The following NEGR1 variants were observed in gnomAD, a reference collection of about 807,000 sequenced individuals.
NEGR1 encodes the protein neuronal growth regulator 1, also known as IgLON family member 4.
Under a neutral mutation model 40.9 loss-of-function variants are expected in NEGR1, and 10 were observed. The ratio of observed to expected loss-of-function variants is 0.24; its 90% confidence interval spans 0.15 to 0.42. NEGR1 has a LOEUF of 0.42. Among genes scored for constraint, NEGR1 ranks in the 10% least tolerant of loss-of-function variants. The pLI is 1.00. For synonymous variants in NEGR1, 185 were observed against 166.8 expected (o/e 1.11, Z -0.84); for missense variants, 352 against 438.9 (o/e 0.80, Z 1.77).
intron 1 of NEGR1, among the ~76,000 whole-genome samples, chr1:72,017,085 C>A (rs1646717574): frequency 6.6e-6 from 1 of 150,846 alleles, no homozygotes; most frequent in African/African-American, 2.4e-5. Flanking sequence ...CATACATATA[C>A]AAATAATATA....
At chr1:71,848,315 G>A (rs914501913) in intron 2 of NEGR1, among the ~76,000 whole-genome samples, 1 of 152,218 alleles carries the variant, frequency 6.6e-6, no homozygotes, top group Non-Finnish European at 1.5e-5. Context: ...GATATTAAAT[G>A]TAGATGAAAC....
intron 2 of NEGR1, among the ~76,000 whole-genome samples, chr1:71,927,818 T>TAAAAAAAAAAAAAAAAA (rs35429988): frequency 1.8e-4 from 4 of 22,448 alleles, no homozygotes; most frequent in East Asian, 2.0e-3. Flanking sequence ...ACCCAATCTC[T>TAAAAAAAAAAAAAAAAA]AAAAAAAAAA....
At chr1:71,667,740 A>G (rs1652290304) in intron 4 of NEGR1, among the ~76,000 whole-genome samples, 1 of 152,146 alleles carries the variant, frequency 6.6e-6, no homozygotes, top group African/African-American at 2.4e-5. Flanking sequence ...ACAATCTCCA[A>G]AGCTTGACTA....
chr1:71,881,332 T>C (rs1660578341), intron 2 of NEGR1, among the ~76,000 whole-genome samples: 1 of 152,072 alleles, frequency 6.6e-6, no homozygotes, highest in African/African-American at 2.4e-5. Context: ...AAGAACAATA[T>C]TGATAGGTTT....
intron 6 of NEGR1, among the ~76,000 whole-genome samples, chr1:71,462,852 TG>T (rs1291070844): frequency 6.6e-6 from 1 of 152,176 alleles, no homozygotes; most frequent in East Asian, 1.9e-4. Flanking sequence ...ATGTTATGGA[TG>T]TAAGTGTGCA....
At chr1:72,141,000 G>A (rs1346723963) in intron 1 of NEGR1, among the ~76,000 whole-genome samples, 1 of 151,976 alleles carries the variant, frequency 6.6e-6, no homozygotes, top group Non-Finnish European at 1.5e-5. Context: ...AAAGATTAGA[G>A]ATGTAAACCC....
chr1:71,700,262 T>C (rs929434082), intron 3 of NEGR1, among the ~76,000 whole-genome samples: 1 of 151,952 alleles, frequency 6.6e-6, no homozygotes, highest in Non-Finnish European at 1.5e-5. Flanking sequence ...AAGATTATGA[T>C]AGTTAAAGAG....
At chr1:71,955,933 T>G (rs1646115711) in intron 1 of NEGR1, among the ~76,000 whole-genome samples, 1 of 152,176 alleles carries the variant, frequency 6.6e-6, no homozygotes, top group Non-Finnish European at 1.5e-5. Flanking sequence ...TCACACATTG[T>G]CTATATAAAA....
At chr1:72,149,287 A>T (rs1389074786) in intron 1 of NEGR1, among the ~76,000 whole-genome samples, 4 of 152,118 alleles carry the variant, frequency 2.6e-5, no homozygotes, top group Non-Finnish European at 5.9e-5. Context: ...AGTCCCCATG[A>T]TTCAACTACC....
chr1:71,855,591 C>T (rs1659734449), intron 2 of NEGR1, among the ~76,000 whole-genome samples: 1 of 151,478 alleles, frequency 6.6e-6, no homozygotes, highest in Non-Finnish European at 1.5e-5. Context: ...AACAATAAGC[C>T]TATTATTTTG....
intron 3 of NEGR1, chr1:71,703,512 A>G (rs1653770823): frequency 1.3e-5 from 2 of 151,508 alleles, no homozygotes; most frequent in African/African-American, 2.4e-5. Context: ...AAAGGAAATA[A>G]GAGAAAAAAA....
intron 1 of NEGR1, among the ~76,000 whole-genome samples, chr1:72,098,794 A>G (rs1157779016): frequency 6.6e-6 from 1 of 152,182 alleles, no homozygotes; most frequent in Non-Finnish European, 1.5e-5. Flanking sequence ...GTAAACTGCA[A>G]GTAAATATTA....
chr1:71,945,770 A>G (rs549978401), intron 1 of NEGR1, among the ~76,000 whole-genome samples: 76 of 152,302 alleles, frequency 5.0e-4, no homozygotes, highest in African/African-American at 1.7e-3. Context: ...TTCAACTTCT[A>G]TAAAGAATTT....
chr1:71,941,918 A>C (rs886925846), intron 1 of NEGR1, among the ~76,000 whole-genome samples: 1 of 152,070 alleles, frequency 6.6e-6, no homozygotes, highest in Non-Finnish European at 1.5e-5. Flanking sequence ...TAACTAACAG[A>C]TGACTTGCTT....
At chr1:72,216,820 T>A (rs930560510) in intron 1 of NEGR1, among the ~76,000 whole-genome samples, 1 of 151,598 alleles carries the variant, frequency 6.6e-6, no homozygotes, top group African/African-American at 2.4e-5. Flanking sequence ...TTAGTTATTA[T>A]TATGATGATG....
chr1:71,918,010 G>T (rs1182138076), intron 2 of NEGR1, among the ~76,000 whole-genome samples: 1 of 149,974 alleles, frequency 6.7e-6, no homozygotes, highest in Admixed American at 6.7e-5. Context: ...AAGGTCAGGA[G>T]ATCGAGACCA....
intron 6 of NEGR1, among the ~76,000 whole-genome samples, chr1:71,528,898 G>A (rs963377912): frequency 2.0e-5 from 3 of 151,180 alleles, no homozygotes; most frequent in Non-Finnish European, 4.4e-5. Context: ...TGTGCTTAAT[G>A]ATAGCCATTT....
intron 2 of NEGR1, among the ~76,000 whole-genome samples, chr1:71,835,159 T>C (rs543174715): frequency 2.6e-5 from 4 of 152,216 alleles, no homozygotes; most frequent in Non-Finnish European, 5.9e-5. Flanking sequence ...ACTTATCTCA[T>C]AGTATGGCAG....
At chr1:72,088,784 TTC>T (rs1247991687) in intron 1 of NEGR1, among the ~76,000 whole-genome samples, 2 of 136,382 alleles carry the variant, frequency 1.5e-5, no homozygotes, top group African/African-American at 2.9e-5. Flanking sequence ...TATAATGTAG[TTC>T]TCTCTCTCTC....
Sources: allele counts gnomAD v4.1 joint callset (sites outside exome capture counted in the v4.1 genomes callset), GRCh38; gene constraint gnomAD v4.1.1; transcripts MANE v1.5; gene names NCBI Gene and HGNC (gene_info 2026-07-23, HGNC 2026-07-21).